ZFHX3: variants seen among roughly 807,000 people sequenced by gnomAD.
ZFHX3 encodes zinc finger homeobox 3, also known as zinc finger homeobox protein 3.
A neutral mutation model predicts 279.1 loss-of-function variants in ZFHX3; 42 were observed. That is an observed-to-expected ratio of 0.15 (90% CI 0.12 to 0.19). The LOEUF (loss-of-function observed/expected upper bound fraction) is 0.19. Among genes scored for constraint, ZFHX3 ranks in the 10% least tolerant of loss-of-function variants. The pLI is 1.00. For missense variants in ZFHX3, 4,981 were observed against 4,754.0 expected (o/e 1.05, Z -1.40); for synonymous variants, 2,293 against 1,957.8 (o/e 1.17, Z -4.52).
rs755696344 is a variant in ZFHX3 at position 72,793,461 on chromosome 16, T to C, written c.9221A>G (p.Gln3074Arg). The C allele has an allele frequency of 3.1e-6, 5 of 1,614,110 alleles. No homozygotes were observed. The African/African-American group carries it at 4.0e-5, about 13-fold the overall frequency. Residue 3074 changes from glutamine (Q) to arginine (R), a missense_variant, in exon 9 of 10, where the codon CAG becomes CGG. Around this residue, in one of 7 missense-constraint regions of ZFHX3, gnomAD observed 168 missense variants for 249.1 expected, o/e 0.67. Transcript: ENST00000268489. This position sits in a 1 kb window ranked among gnomAD's most constrained non-coding sequence, Gnocchi z 4.3. Reference sequence around the variant, plus strand: ...GTCCAACTCTTGTTGAGCCATCAACTGACGTACGGTGGCTGGGTCAAAGTA... The same window carrying C: ...GTCCAACTCTTGTTGAGCCATCAACCGACGTACGGTGGCTGGGTCAAAGTA... ...KEYFDPATVR[Q>R]LMAQQELDRI...
intron 4 of ZFHX3, among the ~76,000 whole-genome samples, chr16:72,853,685 T>G (rs2037674120): frequency 6.6e-6 from 1 of 152,140 alleles, no homozygotes; most frequent in African/African-American, 2.4e-5. Flanking sequence ...AAGGTAGGCA[T>G]TGGAAGAGAG....
At chr16:73,646,727 T>C (rs1421569749) in intron 2 of ZFHX3, among the ~76,000 whole-genome samples, 2 of 152,166 alleles carry the variant, frequency 1.3e-5, no homozygotes, top group African/African-American at 4.8e-5. Context: ...AAATGAAAGA[T>C]TGTCTAAGAA....
chr16:73,575,175 A>G (rs1357872075), intron 2 of ZFHX3, among the ~76,000 whole-genome samples: 1 of 152,158 alleles, frequency 6.6e-6, no homozygotes, highest in Non-Finnish European at 1.5e-5. Flanking sequence ...TTATGCATTA[A>G]ATTTTCAGAA....
chr16:73,070,922 GCGCGCGCGCGCGCGCGCACACA>G (rs924642110), intron 8 of ZFHX3, among the ~76,000 whole-genome samples: 15 of 29,352 alleles, frequency 5.1e-4, no homozygotes, highest in South Asian at 4.6e-3. Context: ...TCTTGCGCGC[GCGCGCGCGCGCGCGCGCACACA>G]CACACACACA....
intron 1 of ZFHX3, among the ~76,000 whole-genome samples, chr16:73,729,407 T>C (rs2142247268): frequency 6.6e-6 from 1 of 152,304 alleles, no homozygotes; most frequent in South Asian, 2.1e-4. Flanking sequence ...CGCATGCCTG[T>C]AATCTCAGCT....
chr16:73,259,594 G>GA (rs2013761395), intron 4 of ZFHX3, among the ~76,000 whole-genome samples: 1 of 152,190 alleles, frequency 6.6e-6, no homozygotes, highest in Non-Finnish European at 1.5e-5. Context: ...CAGTGGCAGA[G>GA]AAAATGTGCA....
intron 2 of ZFHX3, among the ~76,000 whole-genome samples, chr16:73,466,652 G>C (rs775759530): frequency 6.6e-5 from 10 of 152,218 alleles, no homozygotes; most frequent in Admixed American, 1.3e-4. Flanking sequence ...GATGGAGCAT[G>C]CATGTGTGCA....
chr16:73,631,927 T>TCTCTCACACA (rs1437204921), intron 2 of ZFHX3, among the ~76,000 whole-genome samples: 19 of 136,816 alleles, frequency 1.4e-4, no homozygotes, highest in African/African-American at 5.5e-4. Flanking sequence ...TCTCTCTCTC[T>TCTCTCACACA]CACACACACA....
Position 72,787,704 on chromosome 16 carries a change from G to GCCGCCGCCGCCGCCGCCGCCA in ZFHX3, c.10571_10572insTGGCGGCGGCGGCGGCGGCGG (p.Gly3521_Gly3527dup), listed in dbSNP as rs2035473301. 1 of 1,384,490 alleles carries GCCGCCGCCGCCGCCGCCGCCA rather than the reference G, an allele frequency of 7.2e-7. No homozygotes were observed. The highest frequency in any genetic ancestry group is 2.0e-5 in the South Asian group (1 of 48,972). The allele number at this position is 1,384,490 out of a possible 1,614,324, so 85.8% of individuals were successfully genotyped here. A position where few individuals can be genotyped will look rare whatever the true frequency, so the allele number is the denominator to read the frequency against. The stretch of plus-strand genomic sequence containing the variant: ...CCAGGCAGTGGTACGAGCCGCCGCC[G>GCCGCCGCCGCCGCCGCCGCCA]CCGCCGCCGCCGCCACCGCCGCCGC... On this transcript the variant is annotated inframe_insertion, in exon 10 of 10. Coordinates refer to ENST00000268489, the MANE Select transcript of ZFHX3 (RefSeq NM_006885.4).
At chr16:73,659,141 T>C (rs972030964) in intron 2 of ZFHX3, among the ~76,000 whole-genome samples, 2 of 152,194 alleles carry the variant, frequency 1.3e-5, no homozygotes, top group African/African-American at 4.8e-5. Context: ...TCCCGCAGTA[T>C]GCACTTTGGA....
intron 5 of ZFHX3, among the ~76,000 whole-genome samples, chr16:73,180,049 T>C (rs1967758060): frequency 2.0e-5 from 3 of 152,134 alleles, no homozygotes; most frequent in Admixed American, 2.0e-4. Flanking sequence ...TCAAGGGAGA[T>C]ATTTACTGAT....
chr16:73,162,857 A>T (rs1967270702), intron 5 of ZFHX3, among the ~76,000 whole-genome samples: 2 of 152,248 alleles, frequency 1.3e-5, no homozygotes, highest in African/African-American at 4.8e-5. Context: ...GATAATGATG[A>T]AAGAGTTGTC....
chr16:72,964,643 G>A (rs932571656), intron 1 of ZFHX3, among the ~76,000 whole-genome samples: 32 of 149,444 alleles, frequency 2.1e-4, no homozygotes, highest in African/African-American at 6.2e-4. Flanking sequence ...TCCAGCCTGG[G>A]TGACAAAATG....
chr16:73,418,074 G>A (rs940093537), intron 3 of ZFHX3, among the ~76,000 whole-genome samples: 2 of 151,128 alleles, frequency 1.3e-5, no homozygotes, highest in African/African-American at 2.4e-5. Flanking sequence ...GAGCTATAAA[G>A]CACAGCAGCT....
Position 72,857,381 on chromosome 16 carries a change from C to A in ZFHX3, c.3449-27522G>T, listed in dbSNP as rs114718271. ...GAAGTTCCTCCACCTACAGAGATAA[C>A]AGAAAAATAAAAAATAAAGACTAAG... On this transcript the variant is annotated intron_variant, in intron 4 of 9. Coordinates refer to ENST00000268489, the MANE Select transcript of ZFHX3 (RefSeq NM_006885.4). Among the ~76,000 whole-genome samples the A allele has an allele frequency of 1.3e-3, 192 of 152,214 alleles. 2 individuals are homozygous for A. The highest frequency in any genetic ancestry group is 4.4e-3 in the African/African-American group (182 of 41,546).
intron 2 of ZFHX3, among the ~76,000 whole-genome samples, chr16:72,956,348 C>T (rs995983403): frequency 6.6e-6 from 1 of 152,194 alleles, no homozygotes; most frequent in Non-Finnish European, 1.5e-5. Flanking sequence ...TGTCACTGGT[C>T]CCACGAAGTC....
At chr16:73,523,226 G>A (rs905275582) in intron 2 of ZFHX3, among the ~76,000 whole-genome samples, 3 of 152,200 alleles carry the variant, frequency 2.0e-5, no homozygotes, top group Non-Finnish European at 4.4e-5. Flanking sequence ...CAGGCTAAAC[G>A]AGCAAATAAA....
At position 72,861,044 on chromosome 16, in the gene ZFHX3, T is replaced by C. The variant is rs146769980; in HGVS notation, c.3448+28687A>G. On this transcript the variant is annotated intron_variant, in intron 4 of 9. Coordinates refer to ENST00000268489, the MANE Select transcript of ZFHX3 (RefSeq NM_006885.4). The stretch of plus-strand genomic sequence containing the variant: ...TGGCCAACAGCAACGGGTCAGCAGA[T>C]GCTTTTCTCACGCACCTTCCCTCTC... Among the ~76,000 whole-genome samples the C allele has an allele frequency of 3.5e-3, 526 of 152,274 alleles. 7 individuals carry two copies. Among genetic ancestry groups the C allele is most frequent in the African/African-American group, 0.012 (501 of 41,550 alleles).
At chr16:72,805,860 G>C (rs921769195) in intron 7 of ZFHX3, 4 of 152,166 alleles carry the variant, frequency 2.6e-5, no homozygotes, top group Admixed American at 2.0e-4. Flanking sequence ...AAAAGGCTCA[G>C]CTTCTTCTCT....
Sources: allele counts gnomAD v4.1 joint callset (sites outside exome capture counted in the v4.1 genomes callset), GRCh38; gene constraint gnomAD v4.1.1; regional missense constraint gnomAD v4.1.1; non-coding constraint Gnocchi (gnomAD v3.1); transcripts MANE v1.5; gene names NCBI Gene and HGNC (gene_info 2026-07-23, HGNC 2026-07-21).